UNC13C: variants seen among roughly 807,000 people sequenced by gnomAD.
The protein encoded by UNC13C is protein unc-13 homolog C.
Under a neutral mutation model 245.4 loss-of-function variants are expected in UNC13C, and 174 were observed. The observed-to-expected ratio is 0.71, with a 90% CI of 0.63 to 0.80. The LOEUF is 0.80. Among genes scored for constraint, UNC13C ranks in the 30% least tolerant of loss-of-function variants. UNC13C has a pLI of 0.00. For missense variants in UNC13C, 2,829 were observed against 2,602.9 expected, an observed-to-expected ratio of 1.09 and a Z score of -1.89; for synonymous variants, 992 against 895.1, an observed-to-expected ratio of 1.11 and a Z score of -1.93.
chr15:53,930,622 G>A, the UNC13C span, among the ~76,000 whole-genome samples: 1 of 152,126 alleles, frequency 6.6e-6, no homozygotes, highest in Non-Finnish European at 1.5e-5. Flanking sequence ...TGTCTGTGCT[G>A]GGAAAAATTG....
intron 30 of UNC13C, among the ~76,000 whole-genome samples, chr15:54,582,875 T>C (rs2141242017): frequency 6.6e-6 from 1 of 152,316 alleles, no homozygotes; most frequent in East Asian, 1.9e-4. Flanking sequence ...CATTTATAAG[T>C]AATATAAATG....
At chr15:54,422,520 G>T (rs746655406) in intron 19 of UNC13C, among the ~76,000 whole-genome samples, 26 of 151,814 alleles carry the variant, frequency 1.7e-4, no homozygotes, top group Non-Finnish European at 3.1e-4. Context: ...ATGTAGTCTG[G>T]GCTCTACCCA....
intron 4 of UNC13C, 28 bp from the exon 5 acceptor site, chr15:54,235,002 C>T (rs2035652614): frequency 6.2e-7 from 1 of 1,601,554 alleles, no homozygotes; most frequent in Non-Finnish European, 8.6e-7. Context: ...TTACCCATTG[C>T]AATTATTGGT....
At chr15:54,091,093 C>T (rs1263769414) in intron 2 of UNC13C, among the ~76,000 whole-genome samples, 1 of 152,044 alleles carries the variant, frequency 6.6e-6, no homozygotes, top group Non-Finnish European at 1.5e-5. Flanking sequence ...GCCTCAGTAT[C>T]CAACCATGAC....
chr15:54,553,223 T>A (rs1267856354), intron 28 of UNC13C, among the ~76,000 whole-genome samples: 1 of 116,216 alleles, frequency 8.6e-6, no homozygotes, highest in Non-Finnish European at 1.6e-5. Context: ...ATATATATTA[T>A]ATATTGTATT....
rs189508138 is a variant in UNC13C at position 54,015,491 on chromosome 15, A to G, written c.2588A>G (p.Asp863Gly). 52 of 1,612,876 alleles carry G rather than the reference A, an allele frequency of 3.2e-5. 1 individual carries two copies. The East Asian group carries it at 7.4e-4, about 23-fold the overall frequency. Residue 863 changes from aspartate (D) to glycine (G), a missense_variant, in exon 2 of 33, where the codon GAT becomes GGT. By Grantham distance (94) the Asp-to-Gly change is moderately conservative. Transcript: ENST00000260323. Reference protein sequence around the residue: ...YTEPYYYKAEDEEDYTEPVAD... With the variant: ...YTEPYYYKAEGEEDYTEPVAD... Reference sequence around the variant, plus strand: ...GAGCCCTATTACTATAAAGCAGAGGATGAGGAAGATTATACTGAACCAGTG... The same window carrying G: ...GAGCCCTATTACTATAAAGCAGAGGGTGAGGAAGATTATACTGAACCAGTG...
chr15:53,997,706 C>A (rs1385033258), intron 1 of UNC13C, among the ~76,000 whole-genome samples: 1 of 151,934 alleles, frequency 6.6e-6, no homozygotes, highest in East Asian at 1.9e-4. Flanking sequence ...CCAATTATTT[C>A]TTTTCTCTAG....
chr15:54,620,882 C>T (rs1900756273), intron 30 of UNC13C, among the ~76,000 whole-genome samples: 1 of 151,962 alleles, frequency 6.6e-6, no homozygotes, highest in Non-Finnish European at 1.5e-5. Context: ...CCTCTCATGA[C>T]TTCTTTCTCC....
chr15:54,471,612 A>G lies in UNC13C; in HGVS notation c.4934-22996A>G, dbSNP rs116013399. 3.5e-3 allele frequency among the ~76,000 whole-genome samples: 530 copies of G among 151,656 alleles called. 3 individuals are homozygous for G. Among genetic ancestry groups the G allele is most frequent in the African/African-American group, 0.012 (515 of 41,456 alleles). On this transcript the variant is annotated intron_variant, in intron 19 of 32. Coordinates refer to ENST00000260323, the MANE Select transcript of UNC13C (RefSeq NM_001080534.3). ...AGGTGAAAAGACCTAACTATATGCT[A>G]TATGTAGGTAGCATATAGGTATAGT...
At chr15:54,101,782 C>T (rs1228704019) in intron 2 of UNC13C, among the ~76,000 whole-genome samples, 2 of 151,918 alleles carry the variant, frequency 1.3e-5, no homozygotes, top group Non-Finnish European at 2.9e-5. Flanking sequence ...GATGGGGTTT[C>T]ACCATATTGG....
chr15:54,246,787 A>G (rs1232514465), intron 7 of UNC13C, among the ~76,000 whole-genome samples: 1 of 151,944 alleles, frequency 6.6e-6, no homozygotes, highest in African/African-American at 2.4e-5. Context: ...CAGCAGGGAG[A>G]ATAGCTAATG....
intron 4 of UNC13C, among the ~76,000 whole-genome samples, chr15:54,180,678 A>C (rs918174530): frequency 6.6e-6 from 1 of 151,952 alleles, no homozygotes; most frequent in African/African-American, 2.4e-5. Flanking sequence ...TTGACTTTTT[A>C]ATAGCCATTC....
chr15:54,601,362 C>T (rs1899410180), intron 30 of UNC13C, among the ~76,000 whole-genome samples: 1 of 152,022 alleles, frequency 6.6e-6, no homozygotes. Context: ...CTAAGCCAGA[C>T]CTACAAGAAT....
chr15:54,214,742 G>A (rs1312847472), intron 4 of UNC13C, among the ~76,000 whole-genome samples: 1 of 151,928 alleles, frequency 6.6e-6, no homozygotes, highest in Non-Finnish European at 1.5e-5. Context: ...AATTATGAAT[G>A]ATCATACTTT....
At chr15:54,120,394 C>T (rs1422212093) in intron 2 of UNC13C, among the ~76,000 whole-genome samples, 2 of 152,078 alleles carry the variant, frequency 1.3e-5, no homozygotes, top group Non-Finnish European at 2.9e-5. Flanking sequence ...ACGTGGTTTA[C>T]TGAATACTTA....
Position 54,015,620 on chromosome 15 carries a change from A to T in UNC13C, c.2717A>T (p.Asp906Val). 1 of 1,613,820 alleles carries T rather than the reference A, an allele frequency of 6.2e-7. No individual in the cohort carries two copies. Among genetic ancestry groups the T allele is most frequent in the Non-Finnish European group, 8.5e-7 (1 of 1,179,796 alleles). The change falls in exon 2 of 33, where the codon GAT (aspartate) becomes GTT (valine). Residue 906 changes from aspartate to valine, a missense_variant. Physicochemically the swap from Asp to Val is radical, Grantham distance 152. Transcript: ENST00000260323. ...ACAGATGAACAAATGCAAGCATATG[A>T]TCACCTTTCATATGAAACACCTTAT... is the stretch of plus-strand genomic sequence containing the variant. ...TETDEQMQAY[D>V]HLSYETPYET...
At chr15:53,880,126 C>T in the UNC13C span, among the ~76,000 whole-genome samples, 1 of 152,078 alleles carries the variant, frequency 6.6e-6, no homozygotes, top group Non-Finnish European at 1.5e-5. Context: ...GATAATTCTG[C>T]ATTATTAAAT....
In UNC13C at chr15:53,980,565, A is replaced by G. The variant is rs75626618; in HGVS notation, c.-257+1638A>G. Among the ~76,000 whole-genome samples the G allele has an allele frequency of 8.9e-3, 1,356 of 152,348 alleles. 22 individuals carry two copies. Among genetic ancestry groups the G allele is most frequent in the African/African-American group, 0.031 (1,287 of 41,574 alleles). ...CTCTAATTTACAAAATTGTATTTTC[A>G]AACTATAATGGAATTTTGTTGAGAA... On this transcript the variant is annotated intron_variant, in intron 1 of 32. Transcript: ENST00000260323.
chr15:54,292,878 T>A (rs2037333969), intron 10 of UNC13C, among the ~76,000 whole-genome samples: 2 of 148,602 alleles, frequency 1.3e-5, no homozygotes, highest in Admixed American at 1.4e-4. Context: ...AAATATGTTT[T>A]ATACATATAT....
Sources: gnomAD v4.1 joint callset for allele counts (sites outside exome capture counted in the v4.1 genomes callset) on GRCh38, gnomAD v4.1.1 for gene constraint, MANE v1.5 for transcripts, NCBI Gene and HGNC (gene_info 2026-07-23, HGNC 2026-07-21) for gene names.